The following HEMK2 variants were observed in gnomAD, a reference collection of about 807,000 sequenced individuals.
HEMK2 encodes methyltransferase HEMK2.
At chr21:28,660,268 T>C in the HEMK2 span, among the ~76,000 whole-genome samples, 3 of 151,738 alleles carry the variant, frequency 2.0e-5, no homozygotes, top group African/African-American at 7.2e-5. Context: ...TTAATCTTTA[T>C]AGTTTTTACT....
the HEMK2 span, among the ~76,000 whole-genome samples, chr21:28,766,317 T>A: frequency 0.35 from 52,494 of 149,342 alleles, 9,131 homozygotes; most frequent in Middle Eastern, 0.48. Flanking sequence ...TTTTTTTTTT[T>A]AAAAAAGAAT....
At chr21:28,833,931 G>A in the HEMK2 span, among the ~76,000 whole-genome samples, 1 of 152,316 alleles carries the variant, frequency 6.6e-6, no homozygotes, top group East Asian at 1.9e-4. Flanking sequence ...CTGTTTTCAT[G>A]ACTGCTCTTT....
chr21:28,792,002 C>A, the HEMK2 span, among the ~76,000 whole-genome samples: 1 of 152,144 alleles, frequency 6.6e-6, no homozygotes, highest in Admixed American at 6.5e-5. Flanking sequence ...CGAAAGTGAT[C>A]TTTGATCAAC....
At chr21:28,623,369 C>T in the HEMK2 span, among the ~76,000 whole-genome samples, 20 of 152,276 alleles carry the variant, frequency 1.3e-4, no homozygotes, top group Middle Eastern at 0.01. Flanking sequence ...AATGGGAATG[C>T]TTTTACACTG....
At chr21:28,679,073 T>C in the HEMK2 span, among the ~76,000 whole-genome samples, 1 of 152,186 alleles carries the variant, frequency 6.6e-6, no homozygotes. Flanking sequence ...ATGGGCTAAA[T>C]GCTCCAATTA....
the HEMK2 span, among the ~76,000 whole-genome samples, chr21:28,703,396 C>T: frequency 6.6e-6 from 1 of 151,998 alleles, no homozygotes; most frequent in Non-Finnish European, 1.5e-5. Context: ...ATGCAATAAG[C>T]ATTATTATCC....
chr21:28,882,087 C>T, the HEMK2 span: 1 of 1,196,028 alleles, frequency 8.4e-7, no homozygotes, highest in Non-Finnish European at 1.2e-6. Flanking sequence ...AATTACTTAC[C>T]AAAGTTTCTT....
the HEMK2 span, among the ~76,000 whole-genome samples, chr21:28,718,380 G>C: frequency 6.6e-6 from 1 of 152,150 alleles, no homozygotes; most frequent in African/African-American, 2.4e-5. Context: ...TTGCAAATGA[G>C]AAGAATGTAT....
At chr21:28,839,399 C>T in the HEMK2 span, among the ~76,000 whole-genome samples, 1 of 151,976 alleles carries the variant, frequency 6.6e-6, no homozygotes, top group Non-Finnish European at 1.5e-5. Flanking sequence ...AGAAATAAAG[C>T]GCATTCAAAT....
the HEMK2 span, among the ~76,000 whole-genome samples, chr21:28,866,311 A>C: frequency 6.6e-6 from 1 of 152,018 alleles, no homozygotes; most frequent in East Asian, 1.9e-4. Context: ...ACTGCACTCC[A>C]GCCTGGGCAA....
At chr21:28,732,437 T>C in the HEMK2 span, among the ~76,000 whole-genome samples, 1 of 152,224 alleles carries the variant, frequency 6.6e-6, no homozygotes, top group South Asian at 2.1e-4. Flanking sequence ...TGTGCTGGCA[T>C]CAAGGGATGT....
the HEMK2 span, among the ~76,000 whole-genome samples, chr21:28,865,665 A>T: frequency 3.9e-5 from 6 of 152,218 alleles, no homozygotes; most frequent in East Asian, 1.2e-3. Flanking sequence ...AACTCCCTGA[A>T]TATGCTGGAC....
At chr21:28,595,005 A>T in the HEMK2 span, among the ~76,000 whole-genome samples, 2 of 152,346 alleles carry the variant, frequency 1.3e-5, no homozygotes, top group African/African-American at 4.8e-5. Context: ...ATATATTTTT[A>T]AAAGCTATAG....
chr21:28,753,733 G>A, the HEMK2 span, among the ~76,000 whole-genome samples: 6 of 151,992 alleles, frequency 3.9e-5, no homozygotes, highest in Non-Finnish European at 7.4e-5. Context: ...GCACTATTTC[G>A]GAAAAAGAAT....
chr21:28,847,119 C>T, the HEMK2 span, among the ~76,000 whole-genome samples: 5,107 of 152,130 alleles, frequency 0.034, 156 homozygotes, highest in East Asian at 0.065. Context: ...ATTTTTAAGG[C>T]TAAACAATTT....
chr21:28,579,271 T>C, the HEMK2 span, among the ~76,000 whole-genome samples: 1 of 152,224 alleles, frequency 6.6e-6, no homozygotes, highest in Admixed American at 6.5e-5. Flanking sequence ...TTTTGAATCA[T>C]ACAGTAGCAA....
chr21:28,763,634 G>C, the HEMK2 span, among the ~76,000 whole-genome samples: 1 of 152,074 alleles, frequency 6.6e-6, no homozygotes, highest in Non-Finnish European at 1.5e-5. Flanking sequence ...GAAGAATGAG[G>C]ATAACCCAGT....
the HEMK2 span, among the ~76,000 whole-genome samples, chr21:28,841,415 TTA>T: frequency 1.2e-4 from 4 of 32,324 alleles, no homozygotes; most frequent in Non-Finnish European, 1.7e-4. Context: ...AATATATATA[TTA>T]TATATATAAA....
chr21:28,767,967 T>C, the HEMK2 span, among the ~76,000 whole-genome samples: 71 of 152,114 alleles, frequency 4.7e-4, no homozygotes, highest in Non-Finnish European at 9.9e-4. Flanking sequence ...TTTTTTTGTT[T>C]CAGCCTCCAA....
Sources: allele counts gnomAD v4.1 joint callset (sites outside exome capture counted in the v4.1 genomes callset), GRCh38; gene constraint gnomAD v4.1.1; transcripts MANE v1.5; gene names NCBI Gene and HGNC (gene_info 2026-07-23, HGNC 2026-07-21).